GRIA4: variants seen among roughly 807,000 people sequenced by gnomAD.
GRIA4 encodes the protein glutamate ionotropic receptor AMPA type subunit 4.
Under a neutral mutation model 104.0 loss-of-function variants are expected in GRIA4, and 34 were observed. The observed-to-expected ratio is 0.33, with a 90% CI of 0.25 to 0.44. The LOEUF is 0.44. Among genes scored for constraint, GRIA4 ranks in the 20% least tolerant of loss-of-function variants. GRIA4 has a pLI of 1.00. For missense variants in GRIA4, 750 were observed against 1,096.5 expected, an observed-to-expected ratio of 0.68 and a Z score of 4.46; for synonymous variants, 386 against 381.9, an observed-to-expected ratio of 1.01 and a Z score of -0.13.
intron 14 of GRIA4, among the ~76,000 whole-genome samples, chr11:105,959,614 C>G (rs951164859): frequency 2.0e-5 from 3 of 152,196 alleles, no homozygotes; most frequent in Non-Finnish European, 4.4e-5. Flanking sequence ...AGTTCTCTAT[C>G]TGATCTTCCA....
intron 4 of GRIA4, 58 bp downstream of exon 4, chr11:105,753,278 C>G (rs1274453796): frequency 1.9e-5 from 29 of 1,505,398 alleles, no homozygotes; most frequent in Non-Finnish European, 2.7e-5. Flanking sequence ...GTGAAATGGC[C>G]TTATATGACT....
chr11:105,841,967 T>C (rs1944409575), intron 4 of GRIA4, among the ~76,000 whole-genome samples: 1 of 152,142 alleles, frequency 6.6e-6, no homozygotes. Context: ...GTACTAAGCA[T>C]TGGGGGTATA....
intron 3 of GRIA4, among the ~76,000 whole-genome samples, chr11:105,737,866 A>G (rs934428427): frequency 3.3e-5 from 5 of 152,200 alleles, no homozygotes; most frequent in African/African-American, 1.2e-4. Flanking sequence ...TGAGTTGCAT[A>G]AATTCACCAA....
intron 15 of GRIA4, among the ~76,000 whole-genome samples, chr11:105,973,437 C>T (rs609235): frequency 0.65 from 98,078 of 151,740 alleles, 31,733 homozygotes; most frequent in Middle Eastern, 0.72. Flanking sequence ...AGGGATTATT[C>T]TGGATTTATT....
intron 13 of GRIA4, 33 bp downstream of exon 13, chr11:105,926,972 T>C: frequency 6.9e-7 from 1 of 1,455,992 alleles, no homozygotes; most frequent in Non-Finnish European, 9.6e-7. Flanking sequence ...AATGAAATGT[T>C]TATCATTTTG....
chr11:105,733,827 CTT>C (rs34176099), intron 3 of GRIA4, among the ~76,000 whole-genome samples: 1 of 150,172 alleles, frequency 6.7e-6, no homozygotes, highest in Non-Finnish European at 1.5e-5. Context: ...TTTTGAAACA[CTT>C]TTTTTTTATA....
At chr11:105,846,522 C>T (rs1944603267) in intron 4 of GRIA4, among the ~76,000 whole-genome samples, 3 of 151,874 alleles carry the variant, frequency 2.0e-5, no homozygotes, top group Admixed American at 2.0e-4. Context: ...CTATTACACA[C>T]ATAAATATGT....
intron 3 of GRIA4, among the ~76,000 whole-genome samples, chr11:105,658,915 T>C (rs1394822268): frequency 6.6e-6 from 1 of 152,000 alleles, no homozygotes. Context: ...ACAGACAGAC[T>C]GAATCCATAG....
At chr11:105,729,716 A>G (rs1938463157) in intron 3 of GRIA4, among the ~76,000 whole-genome samples, 1 of 152,212 alleles carries the variant, frequency 6.6e-6, no homozygotes, top group Non-Finnish European at 1.5e-5. Context: ...ACACAAATCA[A>G]TTAACGTAAG....
intron 14 of GRIA4, among the ~76,000 whole-genome samples, chr11:105,964,819 G>A (rs371538853): frequency 3.5e-4 from 40 of 114,882 alleles, no homozygotes; most frequent in African/African-American, 1.5e-3. Flanking sequence ...GTTTGTTTTT[G>A]TTTTGAGACG....
chr11:105,807,435 C>T (rs1330702069), intron 4 of GRIA4, among the ~76,000 whole-genome samples: 1 of 151,826 alleles, frequency 6.6e-6, no homozygotes, highest in Non-Finnish European at 1.5e-5. Flanking sequence ...TGAACTTACA[C>T]ATTTAGAAAT....
chr11:105,792,022 G>A (rs1942234727), intron 4 of GRIA4, among the ~76,000 whole-genome samples: 1 of 152,068 alleles, frequency 6.6e-6, no homozygotes, highest in Non-Finnish European at 1.5e-5. Flanking sequence ...TTACCCTTAG[G>A]TAGCTGAATT....
intron 4 of GRIA4, among the ~76,000 whole-genome samples, chr11:105,812,778 T>G (rs1365936796): frequency 6.6e-6 from 1 of 151,980 alleles, no homozygotes; most frequent in Non-Finnish European, 1.5e-5. Flanking sequence ...AAGGGAAGAT[T>G]ATGAAAAAGG....
At chr11:105,662,999 G>C (rs12808281) in intron 3 of GRIA4, among the ~76,000 whole-genome samples, 3,365 of 151,810 alleles carry the variant, frequency 0.022, 53 homozygotes, top group Non-Finnish European at 0.032. Flanking sequence ...CAGTGAATGG[G>C]AACAGTCTTG....
intron 3 of GRIA4, among the ~76,000 whole-genome samples, chr11:105,678,321 C>T (rs1057083636): frequency 3.3e-5 from 5 of 151,994 alleles, no homozygotes; most frequent in Non-Finnish European, 5.9e-5. Flanking sequence ...TTCCTTCTCA[C>T]TTAGAACTAT....
chr11:105,938,327 G>A (rs1274820275), intron 14 of GRIA4, among the ~76,000 whole-genome samples: 1 of 152,172 alleles, frequency 6.6e-6, no homozygotes, highest in East Asian at 1.9e-4. Flanking sequence ...GATATTTTGT[G>A]TGAGAATAAT....
intron 14 of GRIA4, among the ~76,000 whole-genome samples, chr11:105,944,551 TA>T (rs557853821): frequency 4.4e-4 from 65 of 148,932 alleles, no homozygotes; most frequent in Non-Finnish European, 7.9e-4. Flanking sequence ...GTAATTCAAA[TA>T]AGAAAACACC....
chr11:105,618,663 G>A (rs949195002), intron 3 of GRIA4, among the ~76,000 whole-genome samples: 2 of 151,890 alleles, frequency 1.3e-5, no homozygotes, highest in African/African-American at 4.8e-5. Flanking sequence ...CATCCAAAGG[G>A]GGCTGTGCAA....
chr11:105,938,346 CT>C (rs937324665), intron 14 of GRIA4, among the ~76,000 whole-genome samples: 119 of 152,052 alleles, frequency 7.8e-4, no homozygotes, highest in African/African-American at 2.8e-3. Context: ...ATATTTTAGT[CT>C]TTTTTTGGTA....
Sources: allele counts gnomAD v4.1 joint callset (sites outside exome capture counted in the v4.1 genomes callset), GRCh38; gene constraint gnomAD v4.1.1; transcripts MANE v1.5; gene names NCBI Gene and HGNC (gene_info 2026-07-23, HGNC 2026-07-21).